Variants in NSFL1C observed in about 807,000 individuals in gnomAD.
The protein encoded by NSFL1C is NSFL1 cofactor p47.
A neutral mutation model predicts 43.1 loss-of-function variants in NSFL1C; 14 were observed. The observed-to-expected ratio is 0.32, with a 90% CI of 0.21 to 0.51. The LOEUF (loss-of-function observed/expected upper bound fraction) is 0.51. Ranked by LOEUF, NSFL1C falls within the 20% of genes least tolerant of loss-of-function variation. The pLI is 0.98. For missense variants in NSFL1C, 406 were observed against 472.5 expected (o/e 0.86, Z 1.30); for synonymous variants, 171 against 183.5 (o/e 0.93, Z 0.55).
chr20:1,455,935 A>G (rs2090290452), intron 3 of NSFL1C: 1 of 603,510 alleles, frequency 1.7e-6, no homozygotes, highest in Non-Finnish European at 3.0e-6. Flanking sequence ...AGACACCCAC[A>G]CTGGGCTTTG....
chr20:1,459,263 T>C (rs943344824), intron 2 of NSFL1C, among the ~76,000 whole-genome samples: 1 of 152,216 alleles, frequency 6.6e-6, no homozygotes, highest in African/African-American at 2.4e-5. Context: ...GTTCTCATGA[T>C]AGTGAGTGAG....
At chr20:1,463,045 A>G (rs2090446966) in intron 2 of NSFL1C, among the ~76,000 whole-genome samples, 1 of 152,206 alleles carries the variant, frequency 6.6e-6, no homozygotes, top group Non-Finnish European at 1.5e-5. Flanking sequence ...AACGTTAAGT[A>G]ACCTGCCCAA....
At chr20:1,453,169 A>G in intron 5 of NSFL1C, 29 bp from the exon 6 acceptor site, 5 of 1,291,220 alleles carry the variant, frequency 3.9e-6, no homozygotes, top group Non-Finnish European at 5.6e-6. Context: ...AACAGTTACC[A>G]GGGATCTGGC....
chr20:1,446,685 A>G (rs1373420637), intron 7 of NSFL1C, among the ~76,000 whole-genome samples: 1 of 150,584 alleles, frequency 6.6e-6, no homozygotes, highest in Non-Finnish European at 1.5e-5. Flanking sequence ...AAATGCACAT[A>G]GGACTCCCAA....
intron 2 of NSFL1C, among the ~76,000 whole-genome samples, chr20:1,459,152 A>T (rs1004126629): frequency 6.6e-6 from 1 of 152,212 alleles, no homozygotes; most frequent in African/African-American, 2.4e-5. Context: ...AAAGAGGGTG[A>T]CATGGTTTGG....
rs2089996829 is a variant in NSFL1C at position 1,443,691 on chromosome 20, G to C, written c.*58C>G. The C allele has an allele frequency of 6.3e-7, 1 of 1,589,898 alleles. No homozygotes were observed. Among genetic ancestry groups the C allele is most frequent in the Non-Finnish European group, 8.6e-7 (1 of 1,160,102 alleles). On this transcript the variant is annotated 3_prime_UTR_variant, in exon 9 of 9. Coordinates refer to ENST00000216879, the MANE Select transcript of NSFL1C (RefSeq NM_016143.5). Reference sequence around the variant, plus strand: ...GGGGGCAGGAGGGGCGATCCCCATGGGGCATGGCCACTGGCCATGGGAAAC... The same window carrying C: ...GGGGGCAGGAGGGGCGATCCCCATGCGGCATGGCCACTGGCCATGGGAAAC...
At position 1,455,125 on chromosome 20, in the gene NSFL1C, C is replaced by T; in HGVS notation, c.286G>A (p.Ala96Thr). ...EEEEEGQRFY[A>T]GGSERSGQQI... ...TGTCCACTTCTCTCTGAGCCCCCAG[C>T]ATAAAACCTGTGTACAAAATACACC... Residue 96 changes from alanine (A) to threonine (T), a missense_variant, in exon 4 of 9, where the codon GCT becomes ACT. Coordinates refer to ENST00000216879, the MANE Select transcript of NSFL1C (RefSeq NM_016143.5). 6.2e-7 allele frequency: 1 copy of T among 1,614,218 alleles called. No individual in the cohort carries two copies. Among genetic ancestry groups the T allele is most frequent in the South Asian group, 1.1e-5 (1 of 91,090 alleles).
Position 1,452,494 on chromosome 20 carries a change from T to C in NSFL1C, c.784A>G (p.Ser262Gly), listed in dbSNP as rs1456359125. 1.2e-6 allele frequency: 2 copies of C among 1,614,160 alleles called. No homozygotes were observed. The highest frequency in any genetic ancestry group is 1.7e-6 in the Non-Finnish European group (2 of 1,179,996). The change falls in exon 7 of 9, where the codon AGC (serine) becomes GGC (glycine). Residue 262 changes from serine to glycine, a missense_variant and splice_region_variant. This residue lies in a region of NSFL1C where 196 missense variants were observed against 228.0 expected (regional missense o/e 0.86). Coordinates refer to ENST00000216879, the MANE Select transcript of NSFL1C (RefSeq NM_016143.5). The stretch of plus-strand genomic sequence containing the variant: ...GCTCTAACCTGTGCTGCCCCTTACC[T>C]GCCCAGTTTCTGACCCTCGCCAGTG... Reference protein sequence around the residue: ...AFTGEGQKLGSTAPQVLSTSS... With the variant: ...AFTGEGQKLGGTAPQVLSTSS...
At chr20:1,445,141 G>A (rs2090031649) in intron 8 of NSFL1C, among the ~76,000 whole-genome samples, 1 of 152,208 alleles carries the variant, frequency 6.6e-6, no homozygotes, top group Admixed American at 6.5e-5. Flanking sequence ...TTAAAATGAA[G>A]AAGGCACTGA....
Position 1,455,049 on chromosome 20 carries a change from T to C in NSFL1C, c.362A>G (p.Asp121Gly). The C allele has an allele frequency of 6.2e-7, 1 of 1,614,132 alleles. No individual in the cohort carries two copies. The highest frequency in any genetic ancestry group is 8.5e-7 in the Non-Finnish European group (1 of 1,180,016). ...ATGCTCTTTGGCACCTTTAAAGAGA[T>C]CATCCACCAGCTCGTTGGGACTTTT... is the stretch of plus-strand genomic sequence containing the variant. ...RKKSPNELVDDLFKGAKEHGA... is the reference protein window; with the variant it reads ...RKKSPNELVDGLFKGAKEHGA... The change falls in exon 4 of 9, where the codon GAT (aspartate) becomes GGT (glycine). Residue 121 changes from aspartate to glycine, a missense_variant. Around this residue, in one of 3 missense-constraint regions of NSFL1C, gnomAD observed 203 missense variants for 216.3 expected, o/e 0.94. Transcript: ENST00000216879.
intron 1 of NSFL1C, 138 bp downstream of exon 1, chr20:1,466,582 C>T: frequency 5.2e-6 from 4 of 772,254 alleles, no homozygotes; most frequent in Non-Finnish European, 6.0e-6. Flanking sequence ...GACAAGCGGT[C>T]CCGGGACCAT....
At chr20:1,448,207 G>A (rs1488411841) in intron 7 of NSFL1C, among the ~76,000 whole-genome samples, 1 of 152,208 alleles carries the variant, frequency 6.6e-6, no homozygotes, top group African/African-American at 2.4e-5. Context: ...TGGGGAAGCA[G>A]TCCCTACTGT....
chr20:1,445,575 T>C (rs2090040389), intron 8 of NSFL1C, 91 bp downstream of exon 8: 2 of 1,435,718 alleles, frequency 1.4e-6, no homozygotes, highest in Non-Finnish European at 1.9e-6. Flanking sequence ...TGCTGGTATT[T>C]AGGAGGAAGA....
intron 1 of NSFL1C, among the ~76,000 whole-genome samples, chr20:1,465,102 A>C (rs1390226822): frequency 6.6e-6 from 1 of 152,246 alleles, no homozygotes; most frequent in Non-Finnish European, 1.5e-5. Context: ...TCTTAGGTTT[A>C]CACATACAGA....
intron 2 of NSFL1C, 97 bp from the exon 3 acceptor site, chr20:1,458,371 T>C (rs2090345134): frequency 5.1e-6 from 5 of 982,710 alleles, no homozygotes; most frequent in Non-Finnish European, 8.2e-6. Context: ...TGAGGTTACA[T>C]TTTTGGTAGG....
chr20:1,464,574 C>T (rs1027587031), intron 1 of NSFL1C, 148 bp from the exon 2 acceptor site: 1 of 622,852 alleles, frequency 1.6e-6, no homozygotes, highest in Non-Finnish European at 2.8e-6. Flanking sequence ...AGAAGGTTAA[C>T]AGCTCAGCTG....
intron 1 of NSFL1C, among the ~76,000 whole-genome samples, 173 bp downstream of exon 1, chr20:1,466,547 C>A (rs957136142): frequency 6.6e-6 from 1 of 152,238 alleles, no homozygotes; most frequent in Non-Finnish European, 1.5e-5. Flanking sequence ...CGTTCCCCCA[C>A]TCCCAAGCCG....
At chr20:1,445,301 C>A (rs528407436) in intron 8 of NSFL1C, among the ~76,000 whole-genome samples, 1 of 152,314 alleles carries the variant, frequency 6.6e-6, no homozygotes, top group Non-Finnish European at 1.5e-5. Context: ...GCTGACACTG[C>A]ACCCCCTTCT....
At chr20:1,459,182 T>C (rs574593909) in intron 2 of NSFL1C, among the ~76,000 whole-genome samples, 1 of 152,308 alleles carries the variant, frequency 6.6e-6, no homozygotes, top group South Asian at 2.1e-4. Flanking sequence ...CCCACCCAAA[T>C]CTCATGTTGA....
Sources: allele counts gnomAD v4.1 joint callset (sites outside exome capture counted in the v4.1 genomes callset), GRCh38; gene constraint gnomAD v4.1.1; regional missense constraint gnomAD v4.1.1; transcripts MANE v1.5; gene names NCBI Gene and HGNC (gene_info 2026-07-23, HGNC 2026-07-21).